TOGARAM2: variants seen among roughly 807,000 people sequenced by gnomAD.
The protein encoded by TOGARAM2 is TOG array regulator of axonemal microtubules protein 2.
Under a neutral mutation model 93.3 loss-of-function variants are expected in TOGARAM2, and 85 were observed. The ratio of observed to expected loss-of-function variants is 0.91; its 90% CI spans 0.76 to 1.09. TOGARAM2 has a LOEUF of 1.09. Ranked by LOEUF, TOGARAM2 falls within the 50% of genes least tolerant of loss-of-function variation. The pLI is 0.00. For missense variants in TOGARAM2, 1,277 were observed against 1,334.5 expected, an observed-to-expected ratio of 0.96 and a Z score of 0.67; for synonymous variants, 593 against 552.8, an observed-to-expected ratio of 1.07 and a Z score of -1.02.
At position 29,035,613 on chromosome 2, in the gene TOGARAM2, T is replaced by C; in HGVS notation, c.2375T>C (p.Leu792Pro). ...RMEGVGQLLE[L>P]CKAKTELVTA... Reference sequence around the variant, plus strand: ...GAAGGCGTGGGGCAGCTCCTGGAGCTCTGCAAGGCCAAGACGGAGCTTGTC... The same window carrying C: ...GAAGGCGTGGGGCAGCTCCTGGAGCCCTGCAAGGCCAAGACGGAGCTTGTC... Residue 792 changes from leucine to proline, a missense_variant, in exon 17 of 20, where the codon CTC (leucine) becomes CCC (proline). By Grantham distance (98) the Leu-to-Pro change is moderately conservative. Coordinates refer to ENST00000379558, the MANE Select transcript of TOGARAM2 (RefSeq NM_199280.4). 1 of 1,568,506 alleles carries C rather than the reference T, an allele frequency of 6.4e-7. No homozygotes were observed. Among genetic ancestry groups the C allele is most frequent in the Non-Finnish European group, 8.6e-7 (1 of 1,157,236 alleles).
chr2:28,966,607 A>G (rs1671872248), intron 1 of TOGARAM2, among the ~76,000 whole-genome samples: 1 of 152,180 alleles, frequency 6.6e-6, no homozygotes, highest in Non-Finnish European at 1.5e-5. Flanking sequence ...AATTATTGTA[A>G]TAATTTAAGA....
rs1460718893 is a variant in TOGARAM2, at chr2:29,014,581, AGGAG to A, written c.1044+22_1044+25del. ...ACCAAGGTACCTGGGGAGCGGGAGG[AGGAG>A]GAAGTGGGGCTGGAGTGGACCGCAG... On this transcript the variant is annotated intron_variant, in intron 8 of 19. Transcript: ENST00000379558. The A allele has an allele frequency of 6.4e-7, 1 of 1,558,494 alleles. No homozygotes were observed. The highest frequency in any genetic ancestry group is 1.9e-5 in the Admixed American group (1 of 51,632).
rs754349063 is a variant in TOGARAM2 at position 28,999,459 on chromosome 2, T to C, written c.418T>C (p.Ser140Pro). The change falls in exon 4 of 20, where the codon TCT (serine) becomes CCT (proline). Residue 140 changes from serine to proline, a missense_variant. Transcript: ENST00000379558. ...KRRLSEGLAA[S>P]SRASLDPGGG... ...GAGGCTCTCAGAGGGCTTGGCAGCG[T>C]CTTCCCGAGGTGAGCACTGGCCCCT... is the stretch of plus-strand genomic sequence containing the variant. 4 of 1,605,884 alleles carry C rather than the reference T, an allele frequency of 2.5e-6. No individual in the cohort carries two copies. In the East Asian group the frequency reaches 8.9e-5, roughly 36 times the overall value.
intron 1 of TOGARAM2, among the ~76,000 whole-genome samples, chr2:28,968,827 A>C (rs1171277862): frequency 8.1e-6 from 1 of 123,950 alleles, no homozygotes; most frequent in Non-Finnish European, 1.8e-5. Flanking sequence ...AAAAAAAAAA[A>C]AAAAAAAAAA....
chr2:29,035,372 C>T (rs1169070968), intron 16 of TOGARAM2, 92 bp from the exon 17 acceptor site: 1 of 1,172,954 alleles, frequency 8.5e-7, no homozygotes. Flanking sequence ...GTCTCTGCCC[C>T]ACCTGCCTGT....
At chr2:29,008,520 G>A (rs996163745) in intron 6 of TOGARAM2, among the ~76,000 whole-genome samples, 8 of 152,164 alleles carry the variant, frequency 5.3e-5, no homozygotes, top group African/African-American at 1.7e-4. Context: ...GCAGTGGCAC[G>A]ATCTCTGCTT....
In TOGARAM2 at chr2:29,011,494, A is replaced by G. The variant is rs78871880; in HGVS notation, c.870A>G (p.Ala290=). Residue 290 remains alanine, a synonymous_variant, in exon 7 of 20, where the codon GCA becomes GCG. Transcript: ENST00000379558. ...GTGGGCCTCGGGAGAAGACCCCTGC[A>G]TCTCTGGGTACGTATCTTCCATGCA... ...RGSGPREKTP[A]SLEPKPLASP... 7.2e-4 allele frequency: 1,154 copies of G among 1,605,684 alleles called. 15 individuals carry two copies. In the East Asian group the frequency reaches 0.025, roughly 35 times the overall value.
At chr2:28,957,024 A>C (rs2148209110) in intron 1 of TOGARAM2, among the ~76,000 whole-genome samples, 1 of 151,108 alleles carries the variant, frequency 6.6e-6, no homozygotes. Flanking sequence ...GAATTGCTTG[A>C]ATCCGGGAGG....
rs372276970 is a variant in TOGARAM2, at chr2:29,051,779, C to T, written c.2746C>T (p.Arg916Trp). The T allele has an allele frequency of 1.1e-4, 166 of 1,526,120 alleles. 2 individuals are homozygous for T. The Admixed American group carries it at 1.2e-3, about 11-fold the overall frequency. The allele number at this position is 1,526,120 out of a possible 1,614,324, so 94.5% of individuals were successfully genotyped here. The change falls in exon 20 of 20, where the codon CGG becomes TGG. Residue 916 changes from arginine (R) to tryptophan (W), a missense_variant. Arg to Trp is a moderately radical substitution (Grantham distance 101). Transcript: ENST00000379558. ...LAVLVASVYPRKPQAVERHVL... is the reference protein window; with the variant it reads ...LAVLVASVYPWKPQAVERHVL... The stretch of plus-strand genomic sequence containing the variant: ...AGTGCTGGTGGCCTCAGTTTACCCC[C>T]GGAAGCCTCAAGCTGTAGAGCGGCA...
intron 6 of TOGARAM2, among the ~76,000 whole-genome samples, chr2:29,004,281 C>G (rs1487391413): frequency 2.0e-5 from 3 of 152,220 alleles, no homozygotes; most frequent in Non-Finnish European, 4.4e-5. Flanking sequence ...CCGTGCCCGG[C>G]TATGAATAAA....
At chr2:28,999,595 G>A in intron 4 of TOGARAM2, 127 bp downstream of exon 4, 1 of 1,090,982 alleles carries the variant, frequency 9.2e-7, no homozygotes, top group Non-Finnish European at 1.3e-6. Flanking sequence ...TGATCGGTGG[G>A]TACATACCAG....
chr2:29,002,266 G>A (rs192282386), intron 4 of TOGARAM2, among the ~76,000 whole-genome samples: 2 of 152,194 alleles, frequency 1.3e-5, no homozygotes, highest in African/African-American at 4.8e-5. Flanking sequence ...GCTTCCTCCT[G>A]ATCTGGCACT....
chr2:29,051,704 G>C (rs1179849481), intron 19 of TOGARAM2, 52 bp from the exon 20 acceptor site: 1 of 1,404,302 alleles, frequency 7.1e-7, no homozygotes, highest in African/African-American at 1.4e-5. Context: ...AGAGGGAAGT[G>C]GGAGAGGGAG....
intron 10 of TOGARAM2, among the ~76,000 whole-genome samples, chr2:29,020,319 G>A (rs1664859796): frequency 6.6e-6 from 1 of 151,920 alleles, no homozygotes; most frequent in African/African-American, 2.4e-5. Context: ...TAGGGGCAAG[G>A]AGGCAAGGAA....
intron 1 of TOGARAM2, chr2:28,970,940 T>G (rs981269677): frequency 5.9e-5 from 9 of 152,218 alleles, no homozygotes. Flanking sequence ...GGGCCTGGCT[T>G]TCACTCCGGC....
At chr2:28,983,198 ATTTTTTTTTTTTTT>A (rs57949744) in intron 1 of TOGARAM2, among the ~76,000 whole-genome samples, 50 of 56,626 alleles carry the variant, frequency 8.8e-4, no homozygotes, top group African/African-American at 9.2e-4. Context: ...ATATATATAT[ATTTTTTTTTTTTTT>A]TTTTTTTTTT....
chr2:29,007,899 G>A (rs563251102), intron 6 of TOGARAM2, among the ~76,000 whole-genome samples: 10 of 151,624 alleles, frequency 6.6e-5, no homozygotes, highest in East Asian at 3.9e-4. Flanking sequence ...GCTTCCCCTC[G>A]TCCATCTCTG....
upstream of TOGARAM2, among the ~76,000 whole-genome samples, chr2:28,978,808 A>G (rs1286476585): frequency 1.3e-5 from 2 of 152,024 alleles, no homozygotes; most frequent in Non-Finnish European, 2.9e-5. Flanking sequence ...AGTCGGGGCA[A>G]TGACTGGGAA....
At chr2:29,001,085 A>C (rs950649615) in intron 4 of TOGARAM2, among the ~76,000 whole-genome samples, 3 of 152,166 alleles carry the variant, frequency 2.0e-5, no homozygotes, top group Non-Finnish European at 4.4e-5. Flanking sequence ...GCCCCCGGGC[A>C]GTGCTGGGGC....
Sources: allele counts gnomAD v4.1 joint callset (sites outside exome capture counted in the v4.1 genomes callset), GRCh38; gene constraint gnomAD v4.1.1; transcripts MANE v1.5; gene names NCBI Gene and HGNC (gene_info 2026-07-23, HGNC 2026-07-21).